RNF144A: variants seen among roughly 807,000 people sequenced by gnomAD.
The protein encoded by RNF144A is E3 ubiquitin-protein ligase RNF144A.
In RNF144A, 11 loss-of-function variants were observed where a neutral mutation model predicts 38.7. That is an observed-to-expected ratio of 0.28 (90% CI 0.18 to 0.47). RNF144A has a LOEUF of 0.47. Among genes scored for constraint, RNF144A ranks in the 20% least tolerant of loss-of-function variants. The pLI is 0.99. For synonymous variants in RNF144A, 149 were observed against 143.9 expected (o/e 1.04, Z -0.25); for missense variants, 316 against 377.2 (o/e 0.84, Z 1.34).
intron 1 of RNF144A, among the ~76,000 whole-genome samples, chr2:6,926,381 TC>T (rs1664867426): frequency 6.6e-6 from 1 of 152,122 alleles, no homozygotes; most frequent in Non-Finnish European, 1.5e-5. Flanking sequence ...TGGGAGGTGG[TC>T]CTGGAGGACT....
the RNF144A span, among the ~76,000 whole-genome samples, chr2:7,075,099 G>A: frequency 6.6e-6 from 1 of 152,174 alleles, no homozygotes; most frequent in East Asian, 1.9e-4. Context: ...GGCACAGTGT[G>A]GATGGTGGAT....
intron 3 of RNF144A, among the ~76,000 whole-genome samples, chr2:7,006,757 ACACT>A (rs1670469867): frequency 1.5e-5 from 2 of 135,902 alleles, no homozygotes; most frequent in Admixed American, 7.3e-5. Context: ...TCTGAAATAG[ACACT>A]CAGTCTATTT....
intron 2 of RNF144A, among the ~76,000 whole-genome samples, chr2:6,972,642 T>C (rs1256207573): frequency 1.3e-5 from 2 of 152,150 alleles, no homozygotes; most frequent in African/African-American, 4.8e-5. Context: ...TTCGTACACA[T>C]GTTTCGCAGG....
At chr2:7,073,000 T>C (rs1279427431), downstream of RNF144A, among the ~76,000 whole-genome samples, 1 of 152,218 alleles carries the variant, frequency 6.6e-6, no homozygotes, top group East Asian at 1.9e-4. Context: ...AACTTCACTC[T>C]GTCCCATACA....
chr2:6,986,573 T>C (rs1443062701), intron 2 of RNF144A, among the ~76,000 whole-genome samples: 2 of 152,144 alleles, frequency 1.3e-5, no homozygotes, highest in South Asian at 2.1e-4. Context: ...CAGTGGCTCT[T>C]TGTTGAACAG....
chr2:7,044,141 T>C lies in RNF144A; in HGVS notation c.*4381T>C. ...CCCCCCTTTAGCAGGGATTCCTTTT[T>C]AAAGCTATTTTGGCTGGAATACAGG... On this transcript the variant is annotated 3_prime_UTR_variant, in exon 9 of 9. Transcript: ENST00000320892. 1 of 985,826 alleles carries C rather than the reference T, an allele frequency of 1.0e-6. No individual in the cohort carries two copies. 61.1% of individuals were successfully genotyped at this position (985,826 alleles called of 1,614,324 possible).
At chr2:7,047,324 C>T (rs930430632), downstream of RNF144A, among the ~76,000 whole-genome samples, 1 of 152,012 alleles carries the variant, frequency 6.6e-6, no homozygotes, top group Non-Finnish European at 1.5e-5. Context: ...GTGTATTAGT[C>T]CATTTTCATG....
At chr2:7,004,063 G>A (rs1028178675) in intron 3 of RNF144A, among the ~76,000 whole-genome samples, 3 of 152,232 alleles carry the variant, frequency 2.0e-5, no homozygotes, top group African/African-American at 7.2e-5. Context: ...TGAAAGAAAG[G>A]TGGGACTCTT....
At chr2:7,066,431 T>C (rs1370860869) in intron 6 of RNF144A, among the ~76,000 whole-genome samples, 1 of 152,224 alleles carries the variant, frequency 6.6e-6, no homozygotes, top group Non-Finnish European at 1.5e-5. Context: ...TTAGAACAAT[T>C]TGGTAATGTA....
intron 2 of RNF144A, among the ~76,000 whole-genome samples, chr2:6,991,966 A>T (rs1669414689): frequency 6.6e-6 from 1 of 152,204 alleles, no homozygotes; most frequent in African/African-American, 2.4e-5. Flanking sequence ...TCAGACTTTG[A>T]GGGTCACACT....
At chr2:7,072,011 C>T (rs921573754), downstream of RNF144A, among the ~76,000 whole-genome samples, 2 of 152,236 alleles carry the variant, frequency 1.3e-5, no homozygotes, top group South Asian at 2.1e-4. Context: ...CAATCCCCCA[C>T]GTTGCCTAAG....
At chr2:7,060,688 C>T (rs567001518) in intron 6 of RNF144A, among the ~76,000 whole-genome samples, 1 of 152,292 alleles carries the variant, frequency 6.6e-6, no homozygotes, top group South Asian at 2.1e-4. Flanking sequence ...ACCAGAGATG[C>T]GTAGCATTCC....
intron 6 of RNF144A, among the ~76,000 whole-genome samples, chr2:7,066,775 T>C (rs984564485): frequency 6.6e-6 from 1 of 152,208 alleles, no homozygotes; most frequent in Non-Finnish European, 1.5e-5. Flanking sequence ...ATAAAGAGTG[T>C]CACTTCCTGG....
Position 7,020,511 on chromosome 2 carries a change from T to C in RNF144A, c.340T>C (p.Ser114Pro). Reference protein sequence around the residue: ...FDPCRTWCPASTCQAVCQLQD... With the variant: ...FDPCRTWCPAPTCQAVCQLQD... ...TCCCTGTCGGACTTGGTGCCCGGCG[T>C]CCACCTGCCAAGCTGTGTGTCAGCT... is the stretch of plus-strand genomic sequence containing the variant. The change falls in exon 6 of 9, where the codon TCC becomes CCC. Residue 114 changes from serine to proline, a missense_variant. Transcript: ENST00000320892. 6.2e-7 allele frequency: 1 copy of C among 1,613,782 alleles called. No homozygotes were observed. The highest frequency in any genetic ancestry group is 1.1e-5 in the South Asian group (1 of 91,084).
At position 6,919,304 on chromosome 2, in the gene RNF144A, G is replaced by A. The variant is rs531406317; in HGVS notation, c.-212+1682G>A. ...ACTTTCCCAGGGGATTCACCCAGTG[G>A]CTCCAAAGGAGACAACAGCCTTTTT... On this transcript the variant is annotated intron_variant, in intron 1 of 8. Coordinates refer to ENST00000320892, the MANE Select transcript of RNF144A (RefSeq NM_014746.6). Among the ~76,000 whole-genome samples the A allele has an allele frequency of 4.6e-5, 7 of 152,338 alleles. No individual in the cohort carries two copies. The South Asian group carries it at 1.2e-3, about 27-fold the overall frequency.
intron 1 of RNF144A, among the ~76,000 whole-genome samples, chr2:6,936,660 G>A (rs1334717553): frequency 2.0e-5 from 3 of 152,150 alleles, no homozygotes; most frequent in Admixed American, 1.3e-4. Context: ...TTTGCATCAG[G>A]TTGACTTTCT....
At chr2:6,921,920 C>T (rs1248568709) in intron 1 of RNF144A, among the ~76,000 whole-genome samples, 1 of 152,202 alleles carries the variant, frequency 6.6e-6, no homozygotes, top group African/African-American at 2.4e-5. Flanking sequence ...CAGGGCCGAG[C>T]TCCCCAGCTG....
chr2:7,033,504 C>T (rs1001362271), intron 8 of RNF144A, among the ~76,000 whole-genome samples: 3 of 152,354 alleles, frequency 2.0e-5, no homozygotes, highest in Non-Finnish European at 2.9e-5. Flanking sequence ...CTGCAGCGCC[C>T]GTGCTTTCCC....
At chr2:6,988,810 T>C (rs927923584) in intron 2 of RNF144A, among the ~76,000 whole-genome samples, 5 of 152,184 alleles carry the variant, frequency 3.3e-5, no homozygotes, top group African/African-American at 9.7e-5. Context: ...TCTATGAAAA[T>C]TATGTGGAAT....
Sources: allele counts gnomAD v4.1 joint callset (sites outside exome capture counted in the v4.1 genomes callset), GRCh38; gene constraint gnomAD v4.1.1; transcripts MANE v1.5; gene names NCBI Gene and HGNC (gene_info 2026-07-23, HGNC 2026-07-21).